LAMA2: variants seen among roughly 807,000 people sequenced by gnomAD.
The protein encoded by LAMA2 is laminin subunit alpha-2.
In LAMA2, 269 loss-of-function variants were observed where a neutral mutation model predicts 364.8. The ratio of observed to expected loss-of-function variants is 0.74; its 90% CI spans 0.67 to 0.82. The LOEUF is 0.82. Among genes scored for constraint, LAMA2 ranks in the 40% least tolerant of loss-of-function variants. The probability of loss-of-function intolerance (pLI) is 0.00; values close to 1 mark genes in which losing one functional copy is unlikely to be tolerated. For missense variants in LAMA2, 3,807 were observed against 3,873.2 expected, an observed-to-expected ratio of 0.98 and a Z score of 0.45; for synonymous variants, 1,379 against 1,370.6, an observed-to-expected ratio of 1.01 and a Z score of -0.14.
At chr6:129,158,061 C>T in intron 8 of LAMA2, 1 of 1,612,278 alleles carries the variant, frequency 6.2e-7, no homozygotes, top group Non-Finnish European at 8.5e-7. Context: ...TGCGGGCTTT[C>T]CTTGGGTGCC....
At chr6:129,042,304 CAAT>C (rs1787158593) in intron 1 of LAMA2, among the ~76,000 whole-genome samples, 1 of 151,842 alleles carries the variant, frequency 6.6e-6, no homozygotes, top group African/African-American at 2.4e-5. Context: ...GACTCCATGT[CAAT>C]AATAGTAATA....
chr6:129,384,466 A>G (rs964198390), intron 35 of LAMA2, among the ~76,000 whole-genome samples: 1 of 152,180 alleles, frequency 6.6e-6, no homozygotes, highest in African/African-American at 2.4e-5. Flanking sequence ...AATTTGTTTC[A>G]ATCAAACACT....
intron 1 of LAMA2, among the ~76,000 whole-genome samples, chr6:129,035,102 C>T (rs748832327): frequency 4.6e-5 from 7 of 152,034 alleles, no homozygotes; most frequent in African/African-American, 1.5e-4. Flanking sequence ...TTCCCACCAG[C>T]AGCGTATAAG....
At chr6:129,474,356 C>T (rs553527982) in intron 52 of LAMA2, among the ~76,000 whole-genome samples, 4 of 152,232 alleles carry the variant, frequency 2.6e-5, no homozygotes, top group African/African-American at 9.6e-5. Flanking sequence ...GATGAAGCAA[C>T]TGTCTAATTA....
intron 29 of LAMA2, among the ~76,000 whole-genome samples, chr6:129,333,168 A>G (rs567182934): frequency 3.9e-4 from 59 of 152,284 alleles, no homozygotes; most frequent in Non-Finnish European, 7.9e-4. Flanking sequence ...CAGGGATTAC[A>G]GGCATGAACC....
intron 10 of LAMA2, among the ~76,000 whole-genome samples, chr6:129,186,461 AG>A (rs1174003275): frequency 6.6e-5 from 10 of 151,140 alleles, no homozygotes; most frequent in Admixed American, 2.6e-4. Flanking sequence ...TGGCAAGAAA[AG>A]AACAAAATTA....
At chr6:129,049,633 G>C (rs1787848629) in intron 1 of LAMA2, among the ~76,000 whole-genome samples, 1 of 151,958 alleles carries the variant, frequency 6.6e-6, no homozygotes, top group Non-Finnish European at 1.5e-5. Flanking sequence ...TTGTGTTTTA[G>C]AATGTGTCCT....
intron 1 of LAMA2, among the ~76,000 whole-genome samples, chr6:128,907,618 C>A (rs1387984080): frequency 6.6e-6 from 1 of 151,996 alleles, no homozygotes; most frequent in Non-Finnish European, 1.5e-5. Context: ...TAATTGAATA[C>A]CCTTTATTTC....
At chr6:128,940,770 A>C (rs1009384268) in intron 1 of LAMA2, among the ~76,000 whole-genome samples, 2 of 152,076 alleles carry the variant, frequency 1.3e-5, no homozygotes, top group Non-Finnish European at 2.9e-5. Flanking sequence ...TGGGTAGCAC[A>C]ATACCTTGTC....
chr6:129,179,860 T>C lies in LAMA2; in HGVS notation c.1467+1994T>C, dbSNP rs188631717. ...AATCACAAATTATATGCATATAACA[T>C]GAATTACATCACAGAATTATATATC... On this transcript the variant is annotated intron_variant, in intron 10 of 64. Coordinates refer to ENST00000421865, the MANE Select transcript of LAMA2 (RefSeq NM_000426.4). 9.9e-5 allele frequency among the ~76,000 whole-genome samples: 15 copies of C among 152,260 alleles called. No individual in the cohort carries two copies. The East Asian group carries it at 2.3e-3, about 23-fold the overall frequency.
At chr6:128,959,226 T>C (rs760417376) in intron 1 of LAMA2, among the ~76,000 whole-genome samples, 4 of 152,254 alleles carry the variant, frequency 2.6e-5, no homozygotes, top group Admixed American at 2.0e-4. Context: ...TTCATCACAT[T>C]TGGAAATCTA....
At chr6:129,296,135 G>T (rs1562428330) in intron 20 of LAMA2, among the ~76,000 whole-genome samples, 2 of 151,866 alleles carry the variant, frequency 1.3e-5, no homozygotes, top group Non-Finnish European at 1.5e-5. Flanking sequence ...TAATGTGGAT[G>T]TCATCATTTA....
intron 12 of LAMA2, among the ~76,000 whole-genome samples, chr6:129,226,757 C>T (rs1784317116): frequency 6.6e-6 from 1 of 152,046 alleles, no homozygotes; most frequent in South Asian, 2.1e-4. Context: ...CTCTGGCTGC[C>T]CTTAACATTT....
chr6:128,907,723 G>C (rs1042396982), intron 1 of LAMA2, among the ~76,000 whole-genome samples: 1 of 152,128 alleles, frequency 6.6e-6, no homozygotes, highest in Admixed American at 6.5e-5. Flanking sequence ...AGTTTTCAAA[G>C]GGAATGCTTC....
intron 4 of LAMA2, 62 bp from the exon 5 acceptor site, chr6:129,143,839 A>G (rs1778265466): frequency 7.2e-6 from 9 of 1,251,620 alleles, no homozygotes; most frequent in Non-Finnish European, 1.0e-5. Context: ...AAGAAAAAGA[A>G]ACAAAATCAA....
Position 129,337,975 on chromosome 6 carries a change from G to A in LAMA2, c.4312-4368G>A, listed in dbSNP as rs991276213. 4.6e-5 allele frequency among the ~76,000 whole-genome samples: 7 copies of A among 152,134 alleles called. No individual in the cohort carries two copies. In the East Asian group the frequency reaches 1.3e-3, roughly 29 times the overall value. ...AAGAGGCTCCTGATTTATGTGTTGT[G>A]TGTTTGTGGACCTAACCAGGACATT... On this transcript the variant is annotated intron_variant, in intron 29 of 64. Coordinates refer to ENST00000421865, the MANE Select transcript of LAMA2 (RefSeq NM_000426.4).
At chr6:129,095,434 A>G (rs1375037547) in intron 3 of LAMA2, among the ~76,000 whole-genome samples, 1 of 152,206 alleles carries the variant, frequency 6.6e-6, no homozygotes, top group African/African-American at 2.4e-5. Flanking sequence ...TTTCTGTTAC[A>G]TTAGGATTAG....
intron 20 of LAMA2, among the ~76,000 whole-genome samples, 171 bp downstream of exon 20, chr6:129,291,891 T>A (rs1374415414): frequency 6.6e-6 from 1 of 152,152 alleles, no homozygotes; most frequent in Non-Finnish European, 1.5e-5. Flanking sequence ...TAGAACAAAA[T>A]TCATTGTACA....
In LAMA2 at chr6:129,315,651, A is replaced by C; in HGVS notation, c.3731A>C (p.Lys1244Thr). 3 of 1,614,144 alleles carry C rather than the reference A, an allele frequency of 1.9e-6. No homozygotes were observed. The highest frequency in any genetic ancestry group is 2.5e-6 in the Non-Finnish European group (3 of 1,179,956). ...AAACTTCCAGAACAATTTGAAGGAAAGAAGGTAAGCACAAGAACTTTAATG... is the reference window on the plus strand; with the variant it reads ...AAACTTCCAGAACAATTTGAAGGAACGAAGGTAAGCACAAGAACTTTAATG... Reference protein sequence around the residue: ...YWKLPEQFEGKKLMAYGGKLK... With the variant: ...YWKLPEQFEGTKLMAYGGKLK... The change falls in exon 25 of 65, where the codon AAG (lysine) becomes ACG (threonine). Residue 1244 changes from lysine (K) to threonine (T), a missense_variant. Around this residue, in one of 3 missense-constraint regions of LAMA2, gnomAD observed 3,333 missense variants for 3,345.7 expected, o/e 1.00. Transcript: ENST00000421865.
Sources: gnomAD v4.1 joint callset for allele counts (sites outside exome capture counted in the v4.1 genomes callset) on GRCh38, gnomAD v4.1.1 for gene constraint, gnomAD v4.1.1 regional missense constraint, MANE v1.5 for transcripts, NCBI Gene and HGNC (gene_info 2026-07-23, HGNC 2026-07-21) for gene names.